Variants in ATP8A2 observed in about 807,000 individuals in gnomAD.
ATP8A2 encodes the protein phospholipid-transporting ATPase IB.
A neutral mutation model predicts 165.6 loss-of-function variants in ATP8A2; 100 were observed. That is an observed-to-expected ratio of 0.60 (90% CI 0.51 to 0.71). The LOEUF is 0.71. Ranked by LOEUF, ATP8A2 falls within the 30% of genes least tolerant of loss-of-function variation. The probability of loss-of-function intolerance (pLI) is 0.00; values close to 1 mark genes in which losing one functional copy is unlikely to be tolerated. For synonymous variants in ATP8A2, 543 were observed against 548.8 expected, an observed-to-expected ratio of 0.99 and a Z score of 0.15; for missense variants, 1,227 against 1,479.5, an observed-to-expected ratio of 0.83 and a Z score of 2.80.
At chr13:25,659,325 T>C (rs1196938160) in intron 24 of ATP8A2, among the ~76,000 whole-genome samples, 1 of 152,200 alleles carries the variant, frequency 6.6e-6, no homozygotes, top group East Asian at 1.9e-4. Flanking sequence ...CAAGTTAAGA[T>C]CAACAAGCAC....
chr13:25,933,536 A>G (rs1954817681), intron 33 of ATP8A2, among the ~76,000 whole-genome samples: 1 of 152,204 alleles, frequency 6.6e-6, no homozygotes, highest in African/African-American at 2.4e-5. Flanking sequence ...ATGAGTGTTG[A>G]GTAAATGACA....
Position 25,391,183 on chromosome 13 carries a change from A to G in ATP8A2, c.76+18895A>G, listed in dbSNP as rs1257309804. ...TATCCTGCTTCTGGGAAGAATCAGT[A>G]AATCAGAGAAGATGACTCCTGGATA... is the stretch of plus-strand genomic sequence containing the variant. On this transcript the variant is annotated intron_variant, in intron 1 of 36. Transcript: ENST00000381655. 2.0e-5 allele frequency among the ~76,000 whole-genome samples: 3 copies of G among 152,314 alleles called. No homozygotes were observed. The East Asian group carries it at 5.8e-4, about 29-fold the overall frequency.
At chr13:25,496,443 T>A (rs1368867878) in intron 2 of ATP8A2, among the ~76,000 whole-genome samples, 1 of 152,112 alleles carries the variant, frequency 6.6e-6, no homozygotes, top group African/African-American at 2.4e-5. Context: ...TTATAGTTAA[T>A]TGCTGAAAGA....
intron 3 of ATP8A2, among the ~76,000 whole-genome samples, 191 bp downstream of exon 3, chr13:25,530,289 G>A (rs536615909): frequency 5.3e-5 from 8 of 152,322 alleles, no homozygotes; most frequent in Admixed American, 2.0e-4. Context: ...TGGCCTTGAG[G>A]ATGATTGCAG....
At chr13:25,510,174 A>AACACACACACACACACAC (rs57755000) in intron 2 of ATP8A2, among the ~76,000 whole-genome samples, 1 of 128,494 alleles carries the variant, frequency 7.8e-6, no homozygotes, top group Non-Finnish European at 1.7e-5. Context: ...GTCTGTCTGT[A>AACACACACACACACACAC]ACACACACAC....
intron 1 of ATP8A2, among the ~76,000 whole-genome samples, chr13:25,438,584 C>T (rs2034843720): frequency 6.6e-6 from 1 of 151,626 alleles, no homozygotes. Context: ...GAGGCTACAA[C>T]GAGCTATGGT....
intron 24 of ATP8A2, among the ~76,000 whole-genome samples, chr13:25,692,191 A>G (rs1232423313): frequency 5.9e-5 from 9 of 152,194 alleles, no homozygotes. Flanking sequence ...ATAAAGAAAG[A>G]GCATTATCAT....
At chr13:25,553,772 T>TA in intron 11 of ATP8A2, 21 bp from the exon 12 acceptor site, 1 of 1,606,026 alleles carries the variant, frequency 6.2e-7, no homozygotes, top group African/African-American at 1.3e-5. Flanking sequence ...ACCTTTCAGA[T>TA]ACTCTGGTTT....
chr13:25,590,450 G>A (rs1303521352), intron 24 of ATP8A2, among the ~76,000 whole-genome samples: 1 of 152,180 alleles, frequency 6.6e-6, no homozygotes, highest in Non-Finnish European at 1.5e-5. Flanking sequence ...CATTCGTATA[G>A]TAATAGGATA....
At chr13:25,700,479 CTAAT>C (rs1486366867) in intron 25 of ATP8A2, among the ~76,000 whole-genome samples, 2 of 152,214 alleles carry the variant, frequency 1.3e-5, no homozygotes, top group Non-Finnish European at 2.9e-5. Flanking sequence ...ACTTGTCTCT[CTAAT>C]TAGCCTGTTC....
chr13:25,807,288 A>T (rs1312439246), intron 27 of ATP8A2, among the ~76,000 whole-genome samples: 3 of 151,382 alleles, frequency 2.0e-5, no homozygotes, highest in African/African-American at 7.3e-5. Context: ...ACTTTACTCC[A>T]TTTTCTTGTA....
At chr13:25,999,691 T>G (rs1435832966) in intron 35 of ATP8A2, among the ~76,000 whole-genome samples, 2 of 152,186 alleles carry the variant, frequency 1.3e-5, no homozygotes, top group African/African-American at 4.8e-5. Context: ...TGGGTAACTT[T>G]GTTTCCAACA....
Position 25,729,120 on chromosome 13 carries a change from T to C in ATP8A2, c.2384+29775T>C, listed in dbSNP as rs2043559233. On this transcript the variant is annotated intron_variant, in intron 25 of 36. Transcript: ENST00000381655. ...TCCCACCCTCCCCCTCTCTCCTTTC[T>C]TGTGCAAGATTTCAGTCAGTTTACT... 2.0e-5 allele frequency among the ~76,000 whole-genome samples: 3 copies of C among 152,054 alleles called. No homozygotes were observed. In the South Asian group the frequency reaches 6.2e-4, roughly 32 times the overall value.
At chr13:25,585,557 T>TA in intron 23 of ATP8A2, among the ~76,000 whole-genome samples, 1 of 152,220 alleles carries the variant, frequency 6.6e-6, no homozygotes, top group Non-Finnish European at 1.5e-5. Context: ...TTGATACTTT[T>TA]AAAACCATTT....
chr13:25,648,509 C>T (rs540006082), intron 24 of ATP8A2, among the ~76,000 whole-genome samples: 1 of 152,150 alleles, frequency 6.6e-6, no homozygotes, highest in Admixed American at 6.6e-5. Flanking sequence ...ACTAAAAATA[C>T]AAAGATTAGC....
intron 33 of ATP8A2, among the ~76,000 whole-genome samples, chr13:25,940,844 C>T (rs1307477203): frequency 2.0e-5 from 3 of 152,218 alleles, no homozygotes; most frequent in South Asian, 2.1e-4. Flanking sequence ...CCTGGCCAAG[C>T]TCCGTGACCC....
chr13:25,630,087 C>G (rs1237083519), intron 24 of ATP8A2, among the ~76,000 whole-genome samples: 1 of 150,680 alleles, frequency 6.6e-6, no homozygotes, highest in East Asian at 2.0e-4. Flanking sequence ...GTCCCCCCCC[C>G]ACCACCAAAC....
At chr13:25,709,904 A>G (rs543729898) in intron 25 of ATP8A2, among the ~76,000 whole-genome samples, 16 of 152,290 alleles carry the variant, frequency 1.1e-4, no homozygotes, top group African/African-American at 3.8e-4. Flanking sequence ...TTATAATTAG[A>G]GATGTTAAAG....
At chr13:25,937,362 C>CTTTCTTTCTTTTTTTTTTTTTTTTTT in intron 33 of ATP8A2, among the ~76,000 whole-genome samples, 3 of 38,806 alleles carry the variant, frequency 7.7e-5, no homozygotes, top group Non-Finnish European at 1.1e-4. Flanking sequence ...TTCTTTCTTT[C>CTTTCTTTCTTTTTTTTTTTTTTTTTT]TTTTTTTTTT....
Sources: gnomAD v4.1 joint callset for allele counts (sites outside exome capture counted in the v4.1 genomes callset) on GRCh38, gnomAD v4.1.1 for gene constraint, MANE v1.5 for transcripts, NCBI Gene and HGNC (gene_info 2026-07-23, HGNC 2026-07-21) for gene names.